Variants in PAG1 observed in about 807,000 individuals in gnomAD.
PAG1 encodes phosphoprotein associated with glycosphingolipid-enriched microdomains 1.
In PAG1, 23 loss-of-function variants were observed where a neutral mutation model predicts 31.7. The ratio of observed to expected loss-of-function variants is 0.73; its 90% CI spans 0.52 to 1.03. The LOEUF (loss-of-function observed/expected upper bound fraction) is 1.03. Ranked by LOEUF, PAG1 falls within the 50% of genes least tolerant of loss-of-function variation. The pLI is 0.00. For synonymous variants in PAG1, 214 were observed against 210.3 expected, an observed-to-expected ratio of 1.02 and a Z score of -0.15; for missense variants, 473 against 540.7, an observed-to-expected ratio of 0.87 and a Z score of 1.24.
intron 2 of PAG1, among the ~76,000 whole-genome samples, chr8:81,036,692 AGCC>A (rs1332384222): frequency 2.0e-5 from 3 of 152,150 alleles, no homozygotes; most frequent in African/African-American, 4.8e-5. Context: ...TGTTTTCATC[AGCC>A]GCTCTTCTCC....
At chr8:81,096,272 G>T (rs551409903) in intron 1 of PAG1, among the ~76,000 whole-genome samples, 1 of 152,196 alleles carries the variant, frequency 6.6e-6, no homozygotes, top group East Asian at 1.9e-4. Context: ...AACAGCCAAT[G>T]GTCCTTGCGT....
chr8:81,065,853 TATATC>T (rs1033369298), intron 2 of PAG1, among the ~76,000 whole-genome samples: 12 of 150,016 alleles, frequency 8.0e-5, no homozygotes, highest in Admixed American at 5.3e-4. Context: ...ATATCATATA[TATATC>T]ATATGTCATA....
chr8:81,101,965 A>G (rs1809616856), intron 1 of PAG1, among the ~76,000 whole-genome samples: 1 of 152,178 alleles, frequency 6.6e-6, no homozygotes, highest in African/African-American at 2.4e-5. Context: ...TACGAAATGC[A>G]GTTTAATTGT....
In PAG1 at chr8:80,970,869, A is replaced by C. The variant is rs1807063002; in HGVS notation, c.*5675T>G. The C allele has an allele frequency of 6.5e-6, 1 of 152,940 alleles. No individual in the cohort carries two copies. Among genetic ancestry groups the C allele is most frequent in the African/African-American group, 2.4e-5 (1 of 41,570 alleles). The allele number at this position is 152,940 out of a possible 1,614,324, so 9.5% of individuals were successfully genotyped here. On this transcript the variant is annotated 3_prime_UTR_variant, in exon 9 of 9. Coordinates refer to ENST00000220597, the MANE Select transcript of PAG1 (RefSeq NM_018440.4). ...CGGCTGGCAGGGTCTGTGATATGGC[A>C]GCACTGTGATCCGTACTGGAAAGAC...
At chr8:81,107,259 A>G (rs898584182) in intron 1 of PAG1, among the ~76,000 whole-genome samples, 9 of 152,190 alleles carry the variant, frequency 5.9e-5, no homozygotes, top group African/African-American at 2.2e-4. Flanking sequence ...TGTGCTGTCA[A>G]TTCCTGCTCC....
rs61190583 is a variant in PAG1 at position 80,979,690 on chromosome 8, T to C, written c.936+745A>G. 4.1e-3 allele frequency among the ~76,000 whole-genome samples: 624 copies of C among 152,332 alleles called. 4 individuals are homozygous for C. The highest frequency in any genetic ancestry group is 0.014 in the African/African-American group (571 of 41,564). ...CATATGTACTTTGCTCTTGTACATG[T>C]ACACAATTTACTCTGCTAGGAATTC... On this transcript the variant is annotated intron_variant, in intron 8 of 8. Coordinates refer to ENST00000220597, the MANE Select transcript of PAG1 (RefSeq NM_018440.4).
chr8:80,999,245 C>A (rs561353995), intron 3 of PAG1, among the ~76,000 whole-genome samples: 1 of 152,200 alleles, frequency 6.6e-6, no homozygotes, highest in Non-Finnish European at 1.5e-5. Flanking sequence ...GAATCACCTA[C>A]CCAGATATTT....
At chr8:81,092,113 G>C (rs775111333) in intron 1 of PAG1, among the ~76,000 whole-genome samples, 1 of 150,178 alleles carries the variant, frequency 6.7e-6, no homozygotes, top group Non-Finnish European at 1.5e-5. Flanking sequence ...AACACTTTGG[G>C]AGGCTAAGGA....
intron 8 of PAG1, among the ~76,000 whole-genome samples, chr8:80,979,549 C>T (rs1357488212): frequency 1.3e-5 from 2 of 152,114 alleles, no homozygotes; most frequent in Admixed American, 6.6e-5. Context: ...GAAACATGGA[C>T]GAGGGTGGGC....
At chr8:81,069,103 G>A (rs1175596081) in intron 2 of PAG1, among the ~76,000 whole-genome samples, 2 of 152,204 alleles carry the variant, frequency 1.3e-5, no homozygotes, top group Non-Finnish European at 2.9e-5. Context: ...ACAAAAGGCA[G>A]GCTGATTTCC....
Position 81,013,379 on chromosome 8 carries a change from T to C in PAG1, c.-81+16617A>G, listed in dbSNP as rs1373732802. ...ATATCCAGCTGCACCTGGGCTTCTC[T>C]GCCTGGGTGTCCCCCAGGCCCTCGG... On this transcript the variant is annotated intron_variant, in intron 3 of 8. Transcript: ENST00000220597. 2.0e-5 allele frequency among the ~76,000 whole-genome samples: 3 copies of C among 152,164 alleles called. No homozygotes were observed. The South Asian group carries it at 6.2e-4, about 32-fold the overall frequency.
At chr8:80,984,527 T>G (rs1226841469) in intron 7 of PAG1, among the ~76,000 whole-genome samples, 1 of 152,190 alleles carries the variant, frequency 6.6e-6, no homozygotes, top group Non-Finnish European at 1.5e-5. Flanking sequence ...TTGGCCCTAA[T>G]TAGACATGAT....
rs1807139855 is a variant in PAG1, at chr8:80,974,265, A to ATGTCACT, written c.*2272_*2278dup. On this transcript the variant is annotated 3_prime_UTR_variant, in exon 9 of 9. Transcript: ENST00000220597. ...TTGAGCTGTAAGGTGCCTATAAAGGATGTCACTACAGCATTCACAATGCTA... is the reference window on the plus strand; with the variant it reads ...TTGAGCTGTAAGGTGCCTATAAAGGATGTCACTTGTCACTACAGCATTCACAATGCTA... The ATGTCACT allele has an allele frequency of 6.6e-6, 1 of 150,378 alleles. No individual in the cohort carries two copies. Among genetic ancestry groups the ATGTCACT allele is most frequent in the South Asian group, 2.1e-4 (1 of 4,772 alleles). 9.3% of individuals were successfully genotyped at this position (150,378 alleles called of 1,614,324 possible).
chr8:81,054,015 C>T (rs1010864515), intron 2 of PAG1, among the ~76,000 whole-genome samples: 1 of 152,062 alleles, frequency 6.6e-6, no homozygotes, highest in African/African-American at 2.4e-5. Flanking sequence ...GACGAGTGTG[C>T]CTGTGTTCCA....
chr8:81,080,145 A>AT (rs1427195014), intron 1 of PAG1, among the ~76,000 whole-genome samples: 10 of 152,160 alleles, frequency 6.6e-5, no homozygotes, highest in Non-Finnish European at 2.9e-5. Flanking sequence ...TGTTAAAGCA[A>AT]TTGTAATGAC....
intron 4 of PAG1, 127 bp from the exon 5 acceptor site, chr8:80,991,657 T>A (rs1807550939): frequency 1.3e-6 from 1 of 741,350 alleles, no homozygotes; most frequent in Non-Finnish European, 2.4e-6. Context: ...GTTTATTTTG[T>A]CAACAAAGAC....
chr8:81,042,802 T>C (rs1808576926), intron 2 of PAG1, among the ~76,000 whole-genome samples: 1 of 152,146 alleles, frequency 6.6e-6, no homozygotes, highest in Non-Finnish European at 1.5e-5. Context: ...TTACTTTGTA[T>C]GTAATTTGTG....
At chr8:81,102,507 C>T (rs1299618920) in intron 1 of PAG1, among the ~76,000 whole-genome samples, 1 of 152,116 alleles carries the variant, frequency 6.6e-6, no homozygotes, top group African/African-American at 2.4e-5. Flanking sequence ...CATTTTGCTA[C>T]TTGCTAGAAA....
Position 80,984,805 on chromosome 8 carries a change from C to A in PAG1, c.847G>T (p.Ala283Ser). Residue 283 changes from alanine (A) to serine (S), a missense_variant, in exon 7 of 9, where the codon GCC becomes TCC. By Grantham distance (99) the Ala-to-Ser change is moderately conservative (BLOSUM62 1). Transcript: ENST00000220597. ...EKEGGEAEES[A>S]TDTTSETNKR... ...TTAGTTTCACTGGTCGTGTCTGTGG[C>A]ACTCTCTTCCGCCTCTCCCCCTTCC... 6.2e-7 allele frequency: 1 copy of A among 1,613,996 alleles called. No individual in the cohort carries two copies.
Sources: allele counts gnomAD v4.1 joint callset (sites outside exome capture counted in the v4.1 genomes callset), GRCh38; gene constraint gnomAD v4.1.1; transcripts MANE v1.5; gene names NCBI Gene and HGNC (gene_info 2026-07-23, HGNC 2026-07-21).